FMR1NB: variants seen among roughly 807,000 people sequenced by gnomAD.
FMR1NB encodes the protein FMR1 neighbor.
In FMR1NB, 10 loss-of-function variants were observed where a neutral mutation model predicts 16.8. The observed-to-expected ratio is 0.60, with a 90% CI of 0.37 to 1.01. The LOEUF (loss-of-function observed/expected upper bound fraction) is 1.01, where lower values mean the gene tolerates loss of function less well. FMR1NB is among the 50% of genes least tolerant of loss of function. The probability of loss-of-function intolerance (pLI) is 0.01; values close to 1 mark genes in which losing one functional copy is unlikely to be tolerated. For missense variants in FMR1NB, 205 were observed against 204.8 expected (o/e 1.00, Z 0.00); for synonymous variants, 83 against 79.1 (o/e 1.05, Z -0.26).
chrX:148,022,076 G>A (rs1349695201), intron 4 of FMR1NB, among the ~76,000 whole-genome samples: 1 of 110,026 alleles, frequency 9.1e-6, no homozygotes, highest in Non-Finnish European at 1.9e-5. Flanking sequence ...TGTGTCATTA[G>A]GAATTTCCAG....
At chrX:147,982,293 GA>G (rs56291017) in intron 1 of FMR1NB, among the ~76,000 whole-genome samples, 34 of 69,511 alleles carry the variant, frequency 4.9e-4, no homozygotes, top group Non-Finnish European at 5.4e-4. Context: ...CGTCTAAAAA[GA>G]AAAAAAAAAA....
At chrX:148,005,924 TAA>T (rs2044593766) in intron 2 of FMR1NB, among the ~76,000 whole-genome samples, 1 of 112,414 alleles carries the variant, frequency 8.9e-6, no homozygotes, top group African/African-American at 3.2e-5. Flanking sequence ...GTTGATAGTA[TAA>T]GAGATTGAAC....
intron 1 of FMR1NB, among the ~76,000 whole-genome samples, chrX:147,991,288 TC>T (rs1467415113): frequency 2.8e-5 from 3 of 107,932 alleles, no homozygotes; most frequent in African/African-American, 6.8e-5. Context: ...AATAATAACC[TC>T]CTTCATCTCC....
chrX:147,994,446 C>T (rs891042741), intron 1 of FMR1NB, among the ~76,000 whole-genome samples: 5 of 112,265 alleles, frequency 4.5e-5, no homozygotes, highest in African/African-American at 1.3e-4. Flanking sequence ...TTTTAATGAT[C>T]ATTTACAAAT....
At chrX:147,983,911 G>T (rs2124609196) in intron 1 of FMR1NB, among the ~76,000 whole-genome samples, 1 of 111,029 alleles carries the variant, frequency 9.0e-6, no homozygotes, top group East Asian at 2.8e-4. Context: ...TTGGCATATG[G>T]TGTATGTTAA....
At position 147,981,426 on chromosome X, in the gene FMR1NB, G is replaced by A. The variant is rs201101798; in HGVS notation, c.24G>A (p.Ala8=). The A allele has an allele frequency of 5.8e-6, 7 of 1,208,965 alleles. No homozygotes were observed. The highest frequency in any genetic ancestry group is 5.9e-5 in the East Asian group (2 of 33,684). MSSHRRK[A]KGRNRRSHRA... ...CCATGTCTTCACATAGGAGGAAAGC[G>A]AAGGGGAGGAATAGGAGAAGTCACC... The change falls in exon 1 of 6, where the codon GCG becomes GCA. Residue 8 remains alanine (A), a synonymous_variant. Transcript: ENST00000370467.
chrX:147,995,847 C>A (rs782084411), intron 1 of FMR1NB, among the ~76,000 whole-genome samples: 1 of 112,324 alleles, frequency 8.9e-6, no homozygotes, highest in East Asian at 2.8e-4. Flanking sequence ...ACCCTGTGTA[C>A]GTGTGGTGTA....
At chrX:147,995,419 C>A (rs1364433225) in intron 1 of FMR1NB, among the ~76,000 whole-genome samples, 2 of 111,725 alleles carry the variant, frequency 1.8e-5, no homozygotes, top group African/African-American at 6.5e-5. Context: ...AGTTGAGTGA[C>A]CTGAGGTAAC....
chrX:147,982,166 T>C (rs1036381208), intron 1 of FMR1NB, among the ~76,000 whole-genome samples: 17 of 111,068 alleles, frequency 1.5e-4, no homozygotes, highest in Admixed American at 6.7e-4. Context: ...GGTGCACGCC[T>C]GTAATCCCAG....
intron 4 of FMR1NB, among the ~76,000 whole-genome samples, chrX:148,013,903 C>G (rs781842273): frequency 9.0e-6 from 1 of 111,594 alleles, no homozygotes; most frequent in Non-Finnish European, 1.9e-5. Flanking sequence ...GTGACTATTT[C>G]TTCTCATTTA....
chrX:147,993,239 A>G (rs893834438), intron 1 of FMR1NB, among the ~76,000 whole-genome samples: 1 of 112,558 alleles, frequency 8.9e-6, no homozygotes, highest in Non-Finnish European at 1.9e-5. Flanking sequence ...ACACAGCGAA[A>G]CCCCGTCTCC....
In FMR1NB at chrX:148,024,977, C is replaced by G; in HGVS notation, c.745C>G (p.Arg249Gly). The G allele has an allele frequency of 2.5e-6, 3 of 1,210,227 alleles. No individual in the cohort carries two copies. The highest frequency in any genetic ancestry group is 1.8e-5 in the South Asian group (1 of 56,763). Residue 249 changes from arginine (R) to glycine (G), a missense_variant, in exon 5 of 6, where the codon CGT becomes GGT. By Grantham distance (125) the Arg-to-Gly change is moderately radical. Transcript: ENST00000370467. ...AATGTTACAGAAAGCAGCAAGAGGA[C>G]GTGAGGAACATGGTGACGAGTAGCA... ...SEMLQKAARG[R>G]EEHGDE
At chrX:147,992,320 C>A (rs1406387999) in intron 1 of FMR1NB, among the ~76,000 whole-genome samples, 1 of 81,820 alleles carries the variant, frequency 1.2e-5, no homozygotes, top group African/African-American at 4.7e-5. Flanking sequence ...CCAGAGGGGG[C>A]GGCTGGCCGG....
At chrX:148,001,258 T>C (rs782763696) in intron 1 of FMR1NB, among the ~76,000 whole-genome samples, 1 of 112,354 alleles carries the variant, frequency 8.9e-6, no homozygotes, top group Admixed American at 9.4e-5. Flanking sequence ...TGTAACATTA[T>C]CAATTCTCTC....
chrX:148,001,903 A>G (rs1455746573), intron 1 of FMR1NB, among the ~76,000 whole-genome samples: 1 of 111,650 alleles, frequency 9.0e-6, no homozygotes, highest in African/African-American at 3.3e-5. Context: ...TATCTTAAGT[A>G]TAACAGAAAA....
At chrX:148,016,228 T>G (rs1557190122) in intron 4 of FMR1NB, among the ~76,000 whole-genome samples, 1 of 111,103 alleles carries the variant, frequency 9.0e-6, no homozygotes, top group African/African-American at 3.3e-5. Context: ...TCATATAGTT[T>G]TGTTTTGAAA....
intron 4 of FMR1NB, among the ~76,000 whole-genome samples, chrX:148,019,800 A>C (rs2044669746): frequency 8.9e-6 from 1 of 111,735 alleles, no homozygotes; most frequent in African/African-American, 3.3e-5. Flanking sequence ...CTTTGGGGTG[A>C]GGTGACCCAA....
intron 1 of FMR1NB, among the ~76,000 whole-genome samples, chrX:147,993,224 G>A (rs1292090800): frequency 2.7e-5 from 3 of 112,985 alleles, no homozygotes; most frequent in Admixed American, 1.8e-4. Flanking sequence ...AGACCGGCCC[G>A]GCCAACACAG....
At position 148,025,605 on chromosome X, in the gene FMR1NB, A is replaced by G. The variant is rs1288019077; in HGVS notation, c.*13+592A>G. Among the ~76,000 whole-genome samples, 6 of 111,824 alleles carry G rather than the reference A, an allele frequency of 5.4e-5. No individual in the cohort carries two copies. In the East Asian group the frequency reaches 1.7e-3, roughly 31 times the overall value. ...CCTCCCAAAATAACTGTGAAGGGAC[A>G]AGTAAGAATAAAATGGTTGGTGAGA... is the stretch of plus-strand genomic sequence containing the variant. On this transcript the variant is annotated intron_variant, in intron 5 of 5. Transcript: ENST00000370467.
Sources: allele counts gnomAD v4.1 joint callset (sites outside exome capture counted in the v4.1 genomes callset), GRCh38; gene constraint gnomAD v4.1.1; transcripts MANE v1.5; gene names NCBI Gene and HGNC (gene_info 2026-07-23, HGNC 2026-07-21).